The following SLC4A4 variants were observed in gnomAD, a reference collection of about 807,000 sequenced individuals.
The protein encoded by SLC4A4 is solute carrier family 4 member 4.
In SLC4A4, 27 loss-of-function variants were observed where a neutral mutation model predicts 111.5. The ratio of observed to expected loss-of-function variants is 0.24; its 90% CI spans 0.18 to 0.33. SLC4A4 has a LOEUF of 0.33. SLC4A4 is among the 10% of genes least tolerant of loss of function. The pLI is 1.00. For missense variants in SLC4A4, 909 were observed against 1,315.5 expected, an observed-to-expected ratio of 0.69 and a Z score of 4.78; for synonymous variants, 443 against 463.4, an observed-to-expected ratio of 0.96 and a Z score of 0.57.
intron 2 of SLC4A4, among the ~76,000 whole-genome samples, chr4:71,120,328 G>A (rs1406585366): frequency 6.6e-6 from 1 of 152,118 alleles, no homozygotes; most frequent in Non-Finnish European, 1.5e-5. Context: ...GTTCCACCAG[G>A]GTGATAATGC....
At chr4:71,204,087 C>T (rs1746374248) in intron 1 of SLC4A4, among the ~76,000 whole-genome samples, 1 of 152,140 alleles carries the variant, frequency 6.6e-6, no homozygotes, top group Non-Finnish European at 1.5e-5. Context: ...GAGGAAGATT[C>T]CATGCGGTGT....
At position 71,114,022 on chromosome 4, in the gene SLC4A4, C is replaced by T. The variant is rs180683289; in HGVS notation, c.-2+21230C>T. Among the ~76,000 whole-genome samples the T allele has an allele frequency of 4.9e-3, 742 of 152,116 alleles. 2 individuals carry two copies. Among genetic ancestry groups the T allele is most frequent in the Non-Finnish European group, 6.8e-3 (464 of 67,986 alleles). On this transcript the variant is annotated intron_variant, in intron 2 of 26. Coordinates refer to the SLC4A4 transcript ENST00000649996. ...CAGCACTTTGGGAGGCCGAGGCCGGCGGATCACGAGGTCAGGAGATTGAGA... is the reference window on the plus strand; with the variant it reads ...CAGCACTTTGGGAGGCCGAGGCCGGTGGATCACGAGGTCAGGAGATTGAGA...
chr4:71,083,222 G>T (rs1742039721), intron 1 of SLC4A4, among the ~76,000 whole-genome samples: 1 of 151,164 alleles, frequency 6.6e-6, no homozygotes, highest in African/African-American at 2.4e-5. Context: ...TATTTTATGG[G>T]TTTAAAATTT....
In SLC4A4 at chr4:71,460,378, C is replaced by CA. The variant is rs541108078; in HGVS notation, c.1498-6058dup. On this transcript the variant is annotated intron_variant, in intron 12 of 25. Coordinates refer to ENST00000264485, the MANE Select transcript of SLC4A4 (RefSeq NM_001098484.3). ...AGATACGTATTCACAGCTCTTCAAA[C>CA]AAAAAAAATATTAGAAAGCCCTCCA... Among the ~76,000 whole-genome samples the CA allele has an allele frequency of 1.1e-4, 17 of 151,826 alleles. No individual in the cohort carries two copies. The South Asian group carries it at 2.9e-3, about 26-fold the overall frequency.
intron 6 of SLC4A4, among the ~76,000 whole-genome samples, chr4:71,374,944 T>A (rs1056776698): frequency 1.3e-5 from 2 of 152,204 alleles, no homozygotes; most frequent in Non-Finnish European, 2.9e-5. Flanking sequence ...TCTTTCTCCC[T>A]TCTTTCGGAC....
intron 3 of SLC4A4, among the ~76,000 whole-genome samples, chr4:71,324,381 T>G (rs1034282944): frequency 1.3e-5 from 2 of 151,952 alleles, no homozygotes; most frequent in Non-Finnish European, 2.9e-5. Flanking sequence ...ATATTAATAA[T>G]ATGCTTAATA....
At chr4:71,539,651 CT>C (rs1227214965) in intron 18 of SLC4A4, among the ~76,000 whole-genome samples, 4 of 152,108 alleles carry the variant, frequency 2.6e-5, no homozygotes, top group Non-Finnish European at 5.9e-5. Flanking sequence ...TTATATTTCT[CT>C]TGTTTTTGCT....
At chr4:71,522,277 C>T in intron 16 of SLC4A4, among the ~76,000 whole-genome samples, 1 of 152,176 alleles carries the variant, frequency 6.6e-6, no homozygotes, top group Non-Finnish European at 1.5e-5. Flanking sequence ...TTAGGAATAT[C>T]ACAGCATAAT....
chr4:71,486,031 G>C (rs991311347), intron 14 of SLC4A4, among the ~76,000 whole-genome samples: 5 of 151,508 alleles, frequency 3.3e-5, no homozygotes, highest in African/African-American at 1.2e-4. Context: ...TAGTGGCTCA[G>C]AGGGACTGGA....
At chr4:71,318,497 T>A (rs16845192) in intron 3 of SLC4A4, among the ~76,000 whole-genome samples, 1,657 of 152,182 alleles carry the variant, frequency 0.011, 31 homozygotes, top group African/African-American at 0.035. Flanking sequence ...TAGTGTTAGC[T>A]GATTTAATAG....
intron 12 of SLC4A4, among the ~76,000 whole-genome samples, chr4:71,462,172 A>G (rs1209398512): frequency 1.3e-5 from 2 of 152,196 alleles, no homozygotes; most frequent in Admixed American, 1.3e-4. Flanking sequence ...ATTAGATTGT[A>G]TCTCTGCTTT....
chr4:71,327,509 T>C (rs1727595129), intron 3 of SLC4A4, among the ~76,000 whole-genome samples: 1 of 151,912 alleles, frequency 6.6e-6, no homozygotes, highest in South Asian at 2.1e-4. Flanking sequence ...ATAAGAGTAA[T>C]GTAAGGGAAT....
At chr4:71,468,185 A>G (rs906251317) in intron 13 of SLC4A4, among the ~76,000 whole-genome samples, 2 of 152,118 alleles carry the variant, frequency 1.3e-5, no homozygotes, top group African/African-American at 4.8e-5. Flanking sequence ...TCAGAAGAAC[A>G]TTGGAAAGAA....
intron 3 of SLC4A4, among the ~76,000 whole-genome samples, chr4:71,303,752 C>A (rs1725456576): frequency 6.6e-6 from 1 of 151,902 alleles, no homozygotes; most frequent in Non-Finnish European, 1.5e-5. Context: ...TCTTCTTTTA[C>A]TTCCCTTTCT....
chr4:71,214,801 C>T (rs1247538249), intron 1 of SLC4A4, among the ~76,000 whole-genome samples: 2 of 152,142 alleles, frequency 1.3e-5, no homozygotes, highest in African/African-American at 4.8e-5. Flanking sequence ...TCTGCCTGGC[C>T]CTGCCTGGCA....
chr4:71,290,832 T>G (rs1454630302), intron 3 of SLC4A4, among the ~76,000 whole-genome samples: 2 of 152,222 alleles, frequency 1.3e-5, no homozygotes, highest in African/African-American at 4.8e-5. Context: ...GAAAAATCTT[T>G]GGGAAAATGT....
intron 3 of SLC4A4, chr4:71,339,037 G>A: frequency 1.4e-6 from 2 of 1,453,446 alleles, no homozygotes; most frequent in Non-Finnish European, 9.0e-7. Context: ...AATTTTGGAT[G>A]AGTCATAAGT....
intron 7 of SLC4A4, among the ~76,000 whole-genome samples, chr4:71,421,745 A>C (rs1722531244): frequency 6.6e-6 from 1 of 152,240 alleles, no homozygotes; most frequent in African/African-American, 2.4e-5. Context: ...TACTGGGTAC[A>C]TAACAAAAGG....
intron 1 of SLC4A4, among the ~76,000 whole-genome samples, chr4:71,206,808 A>G (rs1290003382): frequency 6.6e-6 from 1 of 151,314 alleles, no homozygotes; most frequent in Non-Finnish European, 1.5e-5. Flanking sequence ...GATTATTATT[A>G]TTATTATTAT....
Sources: allele counts gnomAD v4.1 joint callset (sites outside exome capture counted in the v4.1 genomes callset), GRCh38; gene constraint gnomAD v4.1.1; transcripts MANE v1.5; gene names NCBI Gene and HGNC (gene_info 2026-07-23, HGNC 2026-07-21).